SGCZ: variants seen among roughly 807,000 people sequenced by gnomAD.
The protein encoded by SGCZ is zeta-sarcoglycan.
SGCZ carries 40 observed loss-of-function variants against 41.3 expected under a neutral mutation model. The ratio of observed to expected loss-of-function variants is 0.97; its 90% confidence interval spans 0.75 to 1.26. The LOEUF (loss-of-function observed/expected upper bound fraction) is 1.26. SGCZ is among the 50% of genes most tolerant of loss of function. The pLI is 0.00. For synonymous variants in SGCZ, 206 were observed against 137.5 expected, an observed-to-expected ratio of 1.50 and a Z score of -3.49; for missense variants, 552 against 369.8, an observed-to-expected ratio of 1.49 and a Z score of -4.04.
intron 1 of SGCZ, among the ~76,000 whole-genome samples, chr8:14,701,009 TTAAAA>T (rs1433791781): frequency 6.6e-6 from 1 of 151,974 alleles, no homozygotes; most frequent in Non-Finnish European, 1.5e-5. Flanking sequence ...ATTAAAATAC[TTAAAA>T]TAAAATATTT....
chr8:15,092,123 A>G (rs1431801900), intron 1 of SGCZ, among the ~76,000 whole-genome samples: 2 of 152,200 alleles, frequency 1.3e-5, no homozygotes, highest in East Asian at 3.8e-4. Context: ...ACAGCATAAT[A>G]CGGTCAGTGA....
chr8:15,133,393 C>T (rs1807986119), intron 1 of SGCZ, among the ~76,000 whole-genome samples: 1 of 152,142 alleles, frequency 6.6e-6, no homozygotes, highest in Non-Finnish European at 1.5e-5. Flanking sequence ...AAGCAATATC[C>T]TCCCTATCTC....
chr8:14,302,924 C>A (rs1292201561), intron 3 of SGCZ, among the ~76,000 whole-genome samples: 2 of 152,148 alleles, frequency 1.3e-5, no homozygotes, highest in Non-Finnish European at 2.9e-5. Context: ...ATTGAGAGAA[C>A]TAACATGACC....
At chr8:14,489,015 T>A (rs940636167) in intron 2 of SGCZ, among the ~76,000 whole-genome samples, 1 of 145,628 alleles carries the variant, frequency 6.9e-6, no homozygotes, top group Non-Finnish European at 1.5e-5. Flanking sequence ...ATATATATAA[T>A]ATAAAGATAA....
chr8:15,154,169 C>A (rs537564180), intron 1 of SGCZ, among the ~76,000 whole-genome samples: 14 of 152,156 alleles, frequency 9.2e-5, no homozygotes, highest in Admixed American at 9.2e-4. Context: ...ATAAATTATC[C>A]AGTATCTGGT....
intron 1 of SGCZ, among the ~76,000 whole-genome samples, chr8:14,761,014 C>T (rs945613339): frequency 4.3e-4 from 65 of 152,054 alleles, no homozygotes; most frequent in African/African-American, 1.5e-3. Flanking sequence ...GTGGGGATTT[C>T]GAAGATAAGT....
Position 14,457,496 on chromosome 8 carries a change from G to T in SGCZ, c.234+97236C>A, listed in dbSNP as rs183908629. On this transcript the variant is annotated intron_variant, in intron 2 of 7. Coordinates refer to ENST00000382080, the MANE Select transcript of SGCZ (RefSeq NM_139167.4). ...TCTGCTCCTCCAACTCTTGTGGAGGGCCTGACATCAGTCAGGCTTGCCTGC... is the reference window on the plus strand; with the variant it reads ...TCTGCTCCTCCAACTCTTGTGGAGGTCCTGACATCAGTCAGGCTTGCCTGC... 4.7e-3 allele frequency among the ~76,000 whole-genome samples: 718 copies of T among 152,332 alleles called. 8 individuals are homozygous for T. The highest frequency in any genetic ancestry group is 0.016 in the African/African-American group (664 of 41,576).
At chr8:14,907,460 T>A (rs116524700) in intron 1 of SGCZ, among the ~76,000 whole-genome samples, 1 of 152,114 alleles carries the variant, frequency 6.6e-6, no homozygotes, top group African/African-American at 2.4e-5. Context: ...AGTGCTAGAA[T>A]TGCAGGCATA....
Position 14,312,298 on chromosome 8 carries a change from G to A in SGCZ, c.336+11805C>T, listed in dbSNP as rs111388918. ...TTTAAGTACTGCTAATATATTTTTT[G>A]TGGTCTGCTCCTAGAGTTTTGGGGA... is the stretch of plus-strand genomic sequence containing the variant. On this transcript the variant is annotated intron_variant, in intron 3 of 7. Coordinates refer to ENST00000382080, the MANE Select transcript of SGCZ (RefSeq NM_139167.4). Among the ~76,000 whole-genome samples the A allele has an allele frequency of 5.4e-4, 82 of 152,182 alleles. 2 individuals are homozygous for A. Among genetic ancestry groups the A allele is most frequent in the African/African-American group, 1.9e-3 (81 of 41,540 alleles).
chr8:14,638,145 T>C (rs1284956841), intron 1 of SGCZ, among the ~76,000 whole-genome samples: 4 of 151,850 alleles, frequency 2.6e-5, no homozygotes, highest in Non-Finnish European at 5.9e-5. Context: ...ACTAGTCAAG[T>C]TGAACAAGTC....
rs1179218743 is a variant in SGCZ at position 14,828,763 on chromosome 8, T to G, written c.40-273837A>C. Among the ~76,000 whole-genome samples, 3 of 152,138 alleles carry G rather than the reference T, an allele frequency of 2.0e-5. No homozygotes were observed. In the East Asian group the frequency reaches 5.8e-4, roughly 29 times the overall value. ...CAACATCTGCTTAGTATGAGAGTGT[T>G]TTGAGAGAATCATCAACTAAAGCTT... On this transcript the variant is annotated intron_variant, in intron 1 of 7. Coordinates refer to ENST00000382080, the MANE Select transcript of SGCZ (RefSeq NM_139167.4).
chr8:14,376,139 C>G (rs1258166266), intron 2 of SGCZ, among the ~76,000 whole-genome samples: 1 of 151,964 alleles, frequency 6.6e-6, no homozygotes, highest in African/African-American at 2.4e-5. Context: ...TGGTGAAACT[C>G]CATCTCTACT....
chr8:14,969,715 A>G (rs946793145), intron 1 of SGCZ, among the ~76,000 whole-genome samples: 1 of 152,002 alleles, frequency 6.6e-6, no homozygotes, highest in Non-Finnish European at 1.5e-5. Context: ...TCATATGTTA[A>G]TTGTTCACTC....
At chr8:14,296,926 T>C (rs1302790973) in intron 3 of SGCZ, among the ~76,000 whole-genome samples, 2 of 152,142 alleles carry the variant, frequency 1.3e-5, no homozygotes, top group Non-Finnish European at 2.9e-5. Flanking sequence ...CTGAATAATT[T>C]TTCTTTTTTT....
chr8:14,281,105 G>C (rs1419956059), intron 3 of SGCZ, among the ~76,000 whole-genome samples: 2 of 151,676 alleles, frequency 1.3e-5, no homozygotes, highest in African/African-American at 4.8e-5. Context: ...AAATGTTTCA[G>C]TCACATTCTT....
intron 2 of SGCZ, among the ~76,000 whole-genome samples, chr8:14,370,627 G>T (rs950171750): frequency 2.6e-5 from 4 of 151,678 alleles, no homozygotes; most frequent in Admixed American, 2.6e-4. Context: ...TATATTGAAA[G>T]AATTAAATTT....
intron 1 of SGCZ, among the ~76,000 whole-genome samples, chr8:14,890,409 G>A (rs1185775880): frequency 3.3e-5 from 5 of 152,180 alleles, no homozygotes; most frequent in Non-Finnish European, 7.3e-5. Context: ...CAGCTTTAGT[G>A]GTCTAGATGG....
chr8:14,766,002 G>A (rs946469815), intron 1 of SGCZ, among the ~76,000 whole-genome samples: 6 of 143,980 alleles, frequency 4.2e-5, no homozygotes, highest in East Asian at 2.0e-4. Context: ...GCTGACTGTC[G>A]ACCAGGCTGG....
At chr8:14,606,810 G>C (rs1266687974) in intron 1 of SGCZ, among the ~76,000 whole-genome samples, 2 of 152,158 alleles carry the variant, frequency 1.3e-5, no homozygotes, top group African/African-American at 4.8e-5. Flanking sequence ...ATTTTTTGTT[G>C]CTGTTATTGC....
Sources: gnomAD v4.1 joint callset for allele counts (sites outside exome capture counted in the v4.1 genomes callset) on GRCh38, gnomAD v4.1.1 for gene constraint, MANE v1.5 for transcripts, NCBI Gene and HGNC (gene_info 2026-07-23, HGNC 2026-07-21) for gene names.